Variants in MSRB3 observed in about 807,000 individuals in gnomAD.
MSRB3 encodes methionine sulfoxide reductase B3.
In MSRB3, 13 loss-of-function variants were observed where a neutral mutation model predicts 21.0. That is an observed-to-expected ratio of 0.62 (90% CI 0.40 to 0.98). MSRB3 has a LOEUF of 0.98. Ranked by LOEUF, MSRB3 falls within the 50% of genes least tolerant of loss-of-function variation. The pLI, the probability that MSRB3 is intolerant of heterozygous loss-of-function variation, is 0.00. For missense variants in MSRB3, 199 were observed against 230.3 expected (o/e 0.86, Z 0.88); for synonymous variants, 87 against 88.6 (o/e 0.98, Z 0.10).
At chr12:65,458,490 C>G (rs1883187639) in intron 6 of MSRB3, among the ~76,000 whole-genome samples, 1 of 152,174 alleles carries the variant, frequency 6.6e-6, no homozygotes, top group African/African-American at 2.4e-5. Flanking sequence ...AGAAGTGTTG[C>G]AGTGAGGTTC....
rs553156356 is a variant in MSRB3 at position 65,450,446 on chromosome 12, G to A, written c.293-3282G>A. Among the ~76,000 whole-genome samples the A allele has an allele frequency of 4.3e-4, 66 of 152,188 alleles. 1 individual carries two copies. Among genetic ancestry groups the A allele is most frequent in the African/African-American group, 1.5e-3 (64 of 41,554 alleles). The stretch of plus-strand genomic sequence containing the variant: ...ATAATAATAGGCTAATATCTAAAAA[G>A]TACAGTTTATATTCTTTGAAATGAA... On this transcript the variant is annotated intron_variant, in intron 5 of 6. Transcript: ENST00000308259.
chr12:65,355,610 G>T (rs1052422191), intron 4 of MSRB3, among the ~76,000 whole-genome samples: 2 of 151,508 alleles, frequency 1.3e-5, no homozygotes, highest in Admixed American at 6.6e-5. Flanking sequence ...GCTTTATGCC[G>T]CTGGAGATTT....
intron 4 of MSRB3, among the ~76,000 whole-genome samples, chr12:65,349,473 G>T (rs963277049): frequency 2.6e-5 from 4 of 151,440 alleles, no homozygotes; most frequent in Non-Finnish European, 4.4e-5. Context: ...AGATCCCTGA[G>T]GAATCGCCAC....
chr12:65,343,859 G>C (rs1876309432), intron 4 of MSRB3, among the ~76,000 whole-genome samples: 1 of 151,976 alleles, frequency 6.6e-6, no homozygotes, highest in Non-Finnish European at 1.5e-5. Flanking sequence ...GTTAATTGGT[G>C]CTAATTTTCT....
chr12:65,278,875 G>A lies in MSRB3; in HGVS notation c.-52+10G>A. 5 of 1,553,652 alleles carry A rather than the reference G, an allele frequency of 3.2e-6. No individual in the cohort carries two copies. Among genetic ancestry groups the A allele is most frequent in the East Asian group, 2.4e-5 (1 of 41,148 alleles). ...GGAAGTGCGCAGTCCGGTAAGTTCG[G>A]GCTCCCCTCCCCTCTCCTCCTCGCC... On this transcript the variant is annotated intron_variant, in intron 1 of 6. Coordinates refer to ENST00000308259, the MANE Select transcript of MSRB3 (RefSeq NM_001031679.3).
intron 1 of MSRB3, among the ~76,000 whole-genome samples, chr12:65,307,354 C>G (rs1174010696): frequency 6.6e-6 from 1 of 152,068 alleles, no homozygotes; most frequent in African/African-American, 2.4e-5. Context: ...TTAATACAAG[C>G]AGATTTCTGT....
At chr12:65,360,117 C>G (rs1163523393) in intron 4 of MSRB3, among the ~76,000 whole-genome samples, 1 of 152,030 alleles carries the variant, frequency 6.6e-6, no homozygotes, top group Non-Finnish European at 1.5e-5. Context: ...TATAAGGTCA[C>G]TAGTCACATT....
chr12:65,412,897 G>A (rs559187082), intron 5 of MSRB3, among the ~76,000 whole-genome samples: 14 of 152,226 alleles, frequency 9.2e-5, no homozygotes, highest in East Asian at 5.8e-4. Context: ...GAGAAGTGCC[G>A]AGTGAGGGGG....
chr12:65,444,847 T>C (rs1047367280), intron 5 of MSRB3, among the ~76,000 whole-genome samples: 3 of 152,204 alleles, frequency 2.0e-5, no homozygotes, highest in Non-Finnish European at 2.9e-5. Flanking sequence ...TTTCTGGAAA[T>C]GCTCTTTTCT....
At chr12:65,429,715 G>A (rs1375442839) in intron 5 of MSRB3, among the ~76,000 whole-genome samples, 3 of 152,130 alleles carry the variant, frequency 2.0e-5, no homozygotes, top group African/African-American at 4.8e-5. Context: ...ATTAAAGGAA[G>A]GAAATTGTTT....
chr12:65,391,400 A>G (rs1879474712), intron 5 of MSRB3, among the ~76,000 whole-genome samples: 1 of 152,204 alleles, frequency 6.6e-6, no homozygotes, highest in African/African-American at 2.4e-5. Context: ...ACAGGAGAGT[A>G]TTTCTCTTCA....
chr12:65,292,221 T>A (rs778375140), intron 1 of MSRB3, among the ~76,000 whole-genome samples: 3 of 152,226 alleles, frequency 2.0e-5, no homozygotes, highest in Non-Finnish European at 4.4e-5. Flanking sequence ...CCATTCCTTC[T>A]AGAAATTGTC....
chr12:65,371,383 G>A (rs1271181150), intron 5 of MSRB3, among the ~76,000 whole-genome samples: 5 of 149,554 alleles, frequency 3.3e-5, no homozygotes, highest in Non-Finnish European at 7.4e-5. Flanking sequence ...AATTAAATAG[G>A]TTCAGATTCT....
At chr12:65,406,968 G>A (rs570492695) in intron 5 of MSRB3, among the ~76,000 whole-genome samples, 4 of 152,262 alleles carry the variant, frequency 2.6e-5, no homozygotes, top group African/African-American at 7.2e-5. Context: ...CTTGATCTTG[G>A]ACTTCCCAGC....
intron 5 of MSRB3, among the ~76,000 whole-genome samples, chr12:65,447,440 T>C (rs1494509): frequency 0.52 from 78,812 of 152,014 alleles, 21,246 homozygotes; most frequent in Non-Finnish European, 0.62. Flanking sequence ...CTCAGAAATA[T>C]TTGAAAAGAT....
chr12:65,319,718 C>T (rs1018546485), intron 2 of MSRB3, among the ~76,000 whole-genome samples: 5 of 152,088 alleles, frequency 3.3e-5, no homozygotes, highest in Non-Finnish European at 7.4e-5. Context: ...ATATTAGGCT[C>T]AACAGTTTTT....
In MSRB3 at chr12:65,326,807, A is replaced by G. The variant is rs1875064798; in HGVS notation, c.77-19A>G. On this transcript the variant is annotated intron_variant, in intron 2 of 6. Coordinates refer to ENST00000308259, the MANE Select transcript of MSRB3 (RefSeq NM_001031679.3). The stretch of plus-strand genomic sequence containing the variant: ...TCAAGCTAAAAAGGCTTCTTCTCCC[A>G]TATCCTCTCTCTTTTCAGGGTCGTG... 2 of 1,599,130 alleles carry G rather than the reference A, an allele frequency of 1.3e-6. No homozygotes were observed. The highest frequency in any genetic ancestry group is 1.1e-5 in the South Asian group (1 of 90,540).
intron 4 of MSRB3, among the ~76,000 whole-genome samples, chr12:65,351,018 A>G (rs1457762880): frequency 6.6e-6 from 1 of 151,684 alleles, no homozygotes; most frequent in Non-Finnish European, 1.5e-5. Context: ...CATTTTTTTC[A>G]GCACCACACC....
intron 1 of MSRB3, chr12:65,281,714 T>A (rs1183135294): frequency 1.3e-5 from 2 of 152,224 alleles, no homozygotes; most frequent in Admixed American, 6.5e-5. Context: ...AGTTTTGTTA[T>A]TTAGGTCTGG....
Sources: gnomAD v4.1 joint callset for allele counts (sites outside exome capture counted in the v4.1 genomes callset) on GRCh38, gnomAD v4.1.1 for gene constraint, MANE v1.5 for transcripts, NCBI Gene and HGNC (gene_info 2026-07-23, HGNC 2026-07-21) for gene names.